MAGEA8: variants seen among roughly 807,000 people sequenced by gnomAD.
MAGEA8 encodes MAGE family member A8, also known as melanoma-associated antigen 8.
For missense variants in MAGEA8, 229 were observed against 251.1 expected, an observed-to-expected ratio of 0.91 and a Z score of 0.59; for synonymous variants, 104 against 102.6, an observed-to-expected ratio of 1.01 and a Z score of -0.08.
At position 149,885,066 on chromosome X, in the gene MAGEA8, C is replaced by T. The variant is rs1557371041; in HGVS notation, c.794C>T (p.Pro265Leu). ...AACTACCTGGAGTACCGCCAGGCGC[C>T]CGGCAGTGATCCTGTGCGCTACGAG... ...QENYLEYRQA[P>L]GSDPVRYEFL... Residue 265 changes from proline (P) to leucine (L), a missense_variant, in exon 3 of 3, where the codon CCC (proline) becomes CTC (leucine). Coordinates refer to ENST00000286482, the MANE Select transcript of MAGEA8 (RefSeq NM_005364.5). 2.1e-5 allele frequency: 25 copies of T among 1,211,184 alleles called. No homozygotes were observed. The highest frequency in any genetic ancestry group is 2.5e-5 in the Non-Finnish European group (22 of 895,119).
rs1382125800 is a variant in MAGEA8 at position 149,884,070 on chromosome X, C to T, written c.-125-3C>T. 1.3e-5 allele frequency: 5 copies of T among 396,569 alleles called. No homozygotes were observed. The highest frequency in any genetic ancestry group is 1.7e-5 in the Non-Finnish European group (4 of 228,956). The allele number at this position is 396,569 out of a possible 1,213,427, so 32.7% of individuals were successfully genotyped here. On this transcript the variant is annotated splice_polypyrimidine_tract_variant and splice_region_variant and intron_variant, in intron 1 of 2. Transcript: ENST00000286482. Reference sequence around the variant, plus strand: ...TGAGATGCCCTCTCAATTTCTCCTTCAGGTTCGCAGAGAACAGGCCAGCCA... The same window carrying T: ...TGAGATGCCCTCTCAATTTCTCCTTTAGGTTCGCAGAGAACAGGCCAGCCA...
Position 149,884,994 on chromosome X carries a change from T to C in MAGEA8, c.722T>C (p.Val241Ala). Residue 241 changes from valine to alanine, a missense_variant, in exon 3 of 3, where the codon GTC (valine) becomes GCC (alanine). Coordinates refer to ENST00000286482, the MANE Select transcript of MAGEA8 (RefSeq NM_005364.5). ...CTGTATGATGGGAGGGAGCACAGTG[T>C]CTATTGGAAGCTCAGGAAGCTGCTC... ...MGLYDGREHS[V>A]YWKLRKLLTQ... 1 of 1,208,584 alleles carries C rather than the reference T, an allele frequency of 8.3e-7. No homozygotes were observed. The highest frequency in any genetic ancestry group is 1.1e-6 in the Non-Finnish European group (1 of 893,865).
Position 149,884,129 on chromosome X carries a change from A to C in MAGEA8, c.-69A>C, listed in dbSNP as rs913413956. 2.5e-4 allele frequency: 117 copies of C among 474,855 alleles called. No homozygotes were observed. The highest frequency in any genetic ancestry group is 5.1e-5 in the Non-Finnish European group (14 of 272,769). 39.1% of individuals were successfully genotyped at this position (474,855 alleles called of 1,213,427 possible). On this transcript the variant is annotated 5_prime_UTR_variant, in exon 2 of 3. Transcript: ENST00000286482. ...GGAGGCCCCAGAGAAGCACTGAAGA[A>C]GACCTGTAAGTAGACCTTTGTTAGG... is the stretch of plus-strand genomic sequence containing the variant.
chrX:149,885,332 G>T lies in MAGEA8; in HGVS notation c.*103G>T. On this transcript the variant is annotated 3_prime_UTR_variant, in exon 3 of 3. Coordinates refer to ENST00000286482, the MANE Select transcript of MAGEA8 (RefSeq NM_005364.5). ...CACTTTCCCTGCTCTGTTACATGAG[G>T]CCCATTCTTCACTCTGTGTTTGAAG... 1 of 611,825 alleles carries T rather than the reference G, an allele frequency of 1.6e-6. No homozygotes were observed. 50.4% of individuals were successfully genotyped at this position (611,825 alleles called of 1,213,427 possible). A position where few individuals can be genotyped will look rare whatever the true frequency, so the allele number is the denominator to read the frequency against.
rs1164331339 is a variant in MAGEA8 at position 149,885,288 on chromosome X, G to A, written c.*59G>A. The stretch of plus-strand genomic sequence containing the variant: ...TGTGGGAGGGCCTGGGCCAGTGCAC[G>A]TTCCAGGGCCACATCCACCACTTTC... On this transcript the variant is annotated 3_prime_UTR_variant, in exon 3 of 3. Coordinates refer to ENST00000286482, the MANE Select transcript of MAGEA8 (RefSeq NM_005364.5). 8 of 880,818 alleles carry A rather than the reference G, an allele frequency of 9.1e-6. No homozygotes were observed. The highest frequency in any genetic ancestry group is 2.4e-5 in the South Asian group (1 of 41,231). 72.6% of individuals were successfully genotyped at this position (880,818 alleles called of 1,213,427 possible). A position where few individuals can be genotyped will look rare whatever the true frequency, so the allele number is the denominator to read the frequency against.
In MAGEA8 at chrX:149,884,323, G is replaced by T. The variant is rs144744609; in HGVS notation, c.51G>T (p.Gln17His). The T allele has an allele frequency of 5.8e-6, 7 of 1,206,501 alleles. No individual in the cohort carries two copies. The East Asian group carries it at 2.1e-4, about 36-fold the overall frequency. ...GCTACAAGGCTGAGGAAGGCCTTCA[G>T]GCCCAAGGAGAGGCACCAGGGCTTA... ...SQRYKAEEGL[Q>H]AQGEAPGLMD... The change falls in exon 3 of 3, where the codon CAG becomes CAT. Residue 17 changes from glutamine to histidine, a missense_variant. Gln to His is a conservative substitution (Grantham distance 24). Transcript: ENST00000286482.
At chrX:149,881,336 C>G (rs1464568702) in intron 1 of MAGEA8, 51 bp downstream of exon 1, 4 of 111,167 alleles carry the variant, frequency 3.6e-5, no homozygotes, top group African/African-American at 1.3e-4. Context: ...ATATAGGACC[C>G]AAAATAATCT....
chrX:149,882,746 C>T (rs1424266431), intron 1 of MAGEA8, among the ~76,000 whole-genome samples: 2 of 110,629 alleles, frequency 1.8e-5, no homozygotes, highest in Non-Finnish European at 3.8e-5. Context: ...CTGCTCATAT[C>T]AGGGTGTTGT....
intron 1 of MAGEA8, among the ~76,000 whole-genome samples, chrX:149,881,607 C>T (rs1208141590): frequency 1.0e-5 from 1 of 97,076 alleles, no homozygotes; most frequent in East Asian, 3.1e-4. Context: ...GGCGGCCGGG[C>T]ATGGCGGCCG....
At chrX:149,881,523 G>A (rs1238722990) in intron 1 of MAGEA8, among the ~76,000 whole-genome samples, 1 of 111,170 alleles carries the variant, frequency 9.0e-6, no homozygotes, top group Non-Finnish European at 1.9e-5. Context: ...TCAAGGGCAG[G>A]ACCCTGAGGG....
chrX:149,885,025 A>C lies in MAGEA8; in HGVS notation c.753A>C (p.Gln251His). Reference protein sequence around the residue: ...VYWKLRKLLTQEWVQENYLEY... With the variant: ...VYWKLRKLLTHEWVQENYLEY... ...GGAAGCTCAGGAAGCTGCTCACCCAAGAGTGGGTGCAGGAGAACTACCTGG... is the reference window on the plus strand; with the variant it reads ...GGAAGCTCAGGAAGCTGCTCACCCACGAGTGGGTGCAGGAGAACTACCTGG... Residue 251 changes from glutamine to histidine, a missense_variant, in exon 3 of 3, where the codon CAA becomes CAC. Transcript: ENST00000286482. The C allele has an allele frequency of 8.3e-7, 1 of 1,209,260 alleles. No individual in the cohort carries two copies. The highest frequency in any genetic ancestry group is 2.3e-4 in the Middle Eastern group (1 of 4,343).
rs2090757554 is a variant in MAGEA8 at position 149,885,462 on chromosome X, T to G, written c.*233T>G. On this transcript the variant is annotated 3_prime_UTR_variant, in exon 3 of 3. Transcript: ENST00000286482. ...CTATTGGGCGATTTGGAGGTTTATC[T>G]TTGTTTCCTTTTGGAATTGTTCCAA... 1.4e-5 allele frequency: 5 copies of G among 360,690 alleles called. No individual in the cohort carries two copies. In the South Asian group the frequency reaches 5.5e-4, roughly 40 times the overall value. 29.7% of individuals were successfully genotyped at this position (360,690 alleles called of 1,213,427 possible).
chrX:149,884,149 G>A lies in MAGEA8; in HGVS notation c.-64+15G>A, dbSNP rs946197071. The A allele has an allele frequency of 1.3e-5, 7 of 530,413 alleles. No homozygotes were observed. In the African/African-American group the frequency reaches 1.4e-4, roughly 11 times the overall value. The allele number at this position is 530,413 out of a possible 1,213,427, so 43.7% of individuals were successfully genotyped here. On this transcript the variant is annotated intron_variant, in intron 2 of 2. Coordinates refer to ENST00000286482, the MANE Select transcript of MAGEA8 (RefSeq NM_005364.5). ...GAAGAAGACCTGTAAGTAGACCTTT[G>A]TTAGGGCATCCAGGGTGTAGTACCC...
chrX:149,884,796 C>T lies in MAGEA8; in HGVS notation c.524C>T (p.Ala175Val), dbSNP rs782287819. 1 of 1,211,022 alleles carries T rather than the reference C, an allele frequency of 8.3e-7. No individual in the cohort carries two copies. The highest frequency in any genetic ancestry group is 3.0e-5 in the East Asian group (1 of 33,815). Residue 175 changes from alanine to valine, a missense_variant, in exon 3 of 3, where the codon GCC becomes GTC. Physicochemically the swap from Ala to Val is moderately conservative, Grantham distance 64 (BLOSUM62 0). Transcript: ENST00000286482. ...FGIDVKEVDPAGHSYILVTCL... is the reference protein window; with the variant it reads ...FGIDVKEVDPVGHSYILVTCL... ...ATTGATGTGAAGGAAGTGGACCCTG[C>T]CGGCCACTCCTACATCCTTGTCACC...
chrX:149,883,698 GA>G (rs1444021446), intron 1 of MAGEA8: 1 of 112,380 alleles, frequency 8.9e-6, no homozygotes, highest in East Asian at 2.8e-4. Flanking sequence ...AATGAGCACA[GA>G]AAGGACCATC....
chrX:149,884,988 A>G lies in MAGEA8; in HGVS notation c.716A>G (p.His239Arg). The change falls in exon 3 of 3, where the codon CAC (histidine) becomes CGC (arginine). Residue 239 changes from histidine to arginine, a missense_variant. By Grantham distance (29) the His-to-Arg change is conservative. Transcript: ENST00000286482. ...SVMGLYDGRE[H>R]SVYWKLRKLL... Reference sequence around the variant, plus strand: ...ATGGGGCTGTATGATGGGAGGGAGCACAGTGTCTATTGGAAGCTCAGGAAG... The same window carrying G: ...ATGGGGCTGTATGATGGGAGGGAGCGCAGTGTCTATTGGAAGCTCAGGAAG... 2.5e-6 allele frequency: 3 copies of G among 1,209,055 alleles called. 1 individual carries two copies. Among genetic ancestry groups the G allele is most frequent in the Middle Eastern group, 4.6e-4 (2 of 4,341 alleles).
rs1557370870 is a variant in MAGEA8 at position 149,884,334 on chromosome X, A to G, written c.62A>G (p.Glu21Gly). The G allele has an allele frequency of 5.0e-6, 6 of 1,206,382 alleles. No individual in the cohort carries two copies. Among genetic ancestry groups the G allele is most frequent in the Non-Finnish European group, 6.7e-6 (6 of 893,201 alleles). Residue 21 changes from glutamate (E) to glycine (G), a missense_variant, in exon 3 of 3, where the codon GAG becomes GGG. Glu to Gly is a moderately conservative substitution (Grantham distance 98). Transcript: ENST00000286482. ...GAGGAAGGCCTTCAGGCCCAAGGAG[A>G]GGCACCAGGGCTTATGGATGTGCAG... Reference protein sequence around the residue: ...KAEEGLQAQGEAPGLMDVQIP... With the variant: ...KAEEGLQAQGGAPGLMDVQIP...
intron 1 of MAGEA8, among the ~76,000 whole-genome samples, chrX:149,881,622 T>C (rs2090729319): frequency 9.7e-6 from 1 of 102,918 alleles, no homozygotes; most frequent in Non-Finnish European, 2.1e-5. Context: ...CGGCCGGGCA[T>C]GGCGGCCGGG....
chrX:149,884,427 AG>A lies in MAGEA8; in HGVS notation c.157del (p.Val53Ter). ...ACTCTGATCATGGGAACCCTTGAGGAGGTGACTGATTCTGGGTCACCAAGTC... is the reference window on the plus strand; with the variant it reads ...ACTCTGATCATGGGAACCCTTGAGGAGTGACTGATTCTGGGTCACCAAGTC... The part of the protein sequence containing the change: ...SSTLIMGTLE[E>X]VTDSGSPSPP... On this transcript the variant is annotated frameshift_variant, in exon 3 of 3. Coordinates refer to ENST00000286482, the MANE Select transcript of MAGEA8 (RefSeq NM_005364.5). LOFTEE classifies it low-confidence loss of function (END_TRUNC). The A allele has an allele frequency of 8.3e-7, 1 of 1,211,340 alleles. No homozygotes were observed. The highest frequency in any genetic ancestry group is 1.1e-6 in the Non-Finnish European group (1 of 895,087).
Sources: allele counts gnomAD v4.1 joint callset (sites outside exome capture counted in the v4.1 genomes callset), GRCh38; gene constraint gnomAD v4.1.1; transcripts MANE v1.5; gene names NCBI Gene and HGNC (gene_info 2026-07-23, HGNC 2026-07-21).